SCAMP1: variants seen among roughly 807,000 people sequenced by gnomAD.
SCAMP1 encodes secretory carrier-associated membrane protein 1.
Under a neutral mutation model 41.8 loss-of-function variants are expected in SCAMP1, and 15 were observed. The ratio of observed to expected loss-of-function variants is 0.36; its 90% CI spans 0.24 to 0.55. The LOEUF is 0.55. Ranked by LOEUF, SCAMP1 falls within the 20% of genes least tolerant of loss-of-function variation. The pLI is 0.86. For synonymous variants in SCAMP1, 135 were observed against 136.8 expected, an observed-to-expected ratio of 0.99 and a Z score of 0.09; for missense variants, 341 against 412.6, an observed-to-expected ratio of 0.83 and a Z score of 1.50.
chr5:78,379,347 C>T (rs1204562157), intron 1 of SCAMP1, among the ~76,000 whole-genome samples: 2 of 152,220 alleles, frequency 1.3e-5, no homozygotes, highest in Non-Finnish European at 2.9e-5. Context: ...TTGTTGTCTT[C>T]TCCCAGGTTA....
At chr5:78,402,329 T>G (rs116446497) in intron 2 of SCAMP1, among the ~76,000 whole-genome samples, 2,978 of 152,270 alleles carry the variant, frequency 0.02, 51 homozygotes, top group South Asian at 0.056. Flanking sequence ...GTTAATTATA[T>G]CCAATCAACG....
chr5:78,372,188 T>A (rs1215324665), intron 1 of SCAMP1, among the ~76,000 whole-genome samples: 16 of 152,202 alleles, frequency 1.1e-4, no homozygotes, highest in Admixed American at 1.0e-3. Flanking sequence ...GGAAATCCTC[T>A]AATGGTGGTT....
intron 1 of SCAMP1, among the ~76,000 whole-genome samples, chr5:78,364,915 T>C (rs529723789): frequency 2.0e-5 from 3 of 146,834 alleles, no homozygotes; most frequent in Non-Finnish European, 4.5e-5. Flanking sequence ...GGATAGGAGA[T>C]ATACCTAATG....
chr5:78,456,370 G>A (rs1457105281), intron 7 of SCAMP1, among the ~76,000 whole-genome samples: 1 of 151,786 alleles, frequency 6.6e-6, no homozygotes, highest in Non-Finnish European at 1.5e-5. Flanking sequence ...ACTCTTTTAG[G>A]GCAGGCCTGG....
chr5:78,402,367 C>G (rs1486558439), intron 2 of SCAMP1, among the ~76,000 whole-genome samples: 1 of 152,060 alleles, frequency 6.6e-6, no homozygotes, highest in African/African-American at 2.4e-5. Flanking sequence ...CAGCTATGTT[C>G]TTAATGATTT....
intron 6 of SCAMP1, among the ~76,000 whole-genome samples, chr5:78,434,593 T>G (rs1276624466): frequency 6.6e-6 from 1 of 152,052 alleles, no homozygotes; most frequent in Non-Finnish European, 1.5e-5. Flanking sequence ...TAAAAGCACT[T>G]TAGTTTTTCT....
Position 78,427,575 on chromosome 5 carries a change from C to CT in SCAMP1, c.632+5624dup, listed in dbSNP as rs564532405. 9.9e-5 allele frequency among the ~76,000 whole-genome samples: 15 copies of CT among 151,670 alleles called. No individual in the cohort carries two copies. In the East Asian group the frequency reaches 1.5e-3, roughly 16 times the overall value. On this transcript the variant is annotated intron_variant, in intron 6 of 8. Coordinates refer to ENST00000621999, the MANE Select transcript of SCAMP1 (RefSeq NM_004866.6). ...TAGGAGTAGCCTTACTGGGATGAAA[C>CT]TTTTTTTTTAAAACGTGTCTAAATT...
intron 6 of SCAMP1, among the ~76,000 whole-genome samples, chr5:78,427,909 A>T (rs537629076): frequency 1.3e-5 from 2 of 152,278 alleles, no homozygotes; most frequent in East Asian, 1.9e-4. Flanking sequence ...GTTTATTTTT[A>T]AAATATATTT....
At chr5:78,437,321 T>C (rs376714784) in intron 6 of SCAMP1, among the ~76,000 whole-genome samples, 3 of 152,072 alleles carry the variant, frequency 2.0e-5, no homozygotes, top group East Asian at 1.9e-4. Context: ...CCAGTTTTTG[T>C]CCATTCAGTA....
intron 1 of SCAMP1, among the ~76,000 whole-genome samples, chr5:78,381,313 C>A (rs1234787036): frequency 6.6e-6 from 1 of 152,054 alleles, no homozygotes; most frequent in African/African-American, 2.4e-5. Flanking sequence ...GCTAGGCTGA[C>A]CCTGCTGGGA....
chr5:78,437,040 G>A lies in SCAMP1; in HGVS notation c.633-12893G>A, dbSNP rs554915210. ...GCTCTCTGTTTGTTATTGGTGTATA[G>A]GAATGCTTGTGATTTTTGCACATTG... On this transcript the variant is annotated intron_variant, in intron 6 of 8. Transcript: ENST00000621999. 3.3e-5 allele frequency among the ~76,000 whole-genome samples: 5 copies of A among 152,268 alleles called. No individual in the cohort carries two copies. The East Asian group carries it at 5.8e-4, about 18-fold the overall frequency.
chr5:78,456,874 T>G (rs759778593), intron 7 of SCAMP1, among the ~76,000 whole-genome samples: 1 of 107,656 alleles, frequency 9.3e-6, no homozygotes, highest in African/African-American at 4.1e-5. Context: ...CTTGGAGGCT[T>G]TGCTCATTTC....
At chr5:78,436,620 C>T (rs1038778127) in intron 6 of SCAMP1, among the ~76,000 whole-genome samples, 6 of 152,196 alleles carry the variant, frequency 3.9e-5, no homozygotes, top group Non-Finnish European at 5.9e-5. Context: ...TGTTTGGTTA[C>T]TGTAGCCTTG....
chr5:78,397,069 G>A (rs1227053383), intron 2 of SCAMP1, among the ~76,000 whole-genome samples: 1 of 152,032 alleles, frequency 6.6e-6, no homozygotes, highest in Non-Finnish European at 1.5e-5. Context: ...GGGCTGGAAA[G>A]GGAAAGGAGG....
intron 6 of SCAMP1, among the ~76,000 whole-genome samples, chr5:78,433,783 G>T (rs911009359): frequency 6.6e-6 from 1 of 152,074 alleles, no homozygotes; most frequent in Non-Finnish European, 1.5e-5. Context: ...GGAGTTAGGG[G>T]TGGAGGATAT....
chr5:78,411,630 A>T (rs1488352888), intron 2 of SCAMP1, among the ~76,000 whole-genome samples: 1 of 152,090 alleles, frequency 6.6e-6, no homozygotes, highest in Non-Finnish European at 1.5e-5. Context: ...AAATAGCTGT[A>T]TTGTATACTT....
At chr5:78,387,320 T>G (rs112419300) in intron 1 of SCAMP1, among the ~76,000 whole-genome samples, 27,915 of 151,246 alleles carry the variant, frequency 0.18, 3,196 homozygotes, top group Admixed American at 0.34. Context: ...TGTTTTTTAT[T>G]TATGCTATTT....
chr5:78,417,814 T>G (rs1194427771), intron 4 of SCAMP1, among the ~76,000 whole-genome samples: 3 of 152,130 alleles, frequency 2.0e-5, no homozygotes, highest in Admixed American at 1.3e-4. Flanking sequence ...AAATGAACTA[T>G]ATGAAATTTG....
In SCAMP1 at chr5:78,362,738, C is replaced by G. The variant is rs188461789; in HGVS notation, c.57+2010C>G. ...CCATTTATGTTCACCTGCCCCTCCTCCTCACAAAGTATAGTTTTATATCTA... is the reference window on the plus strand; with the variant it reads ...CCATTTATGTTCACCTGCCCCTCCTGCTCACAAAGTATAGTTTTATATCTA... On this transcript the variant is annotated intron_variant, in intron 1 of 8. Coordinates refer to ENST00000621999, the MANE Select transcript of SCAMP1 (RefSeq NM_004866.6). Among the ~76,000 whole-genome samples, 6 of 152,234 alleles carry G rather than the reference C, an allele frequency of 3.9e-5. No homozygotes were observed. The East Asian group carries it at 1.2e-3, about 29-fold the overall frequency.
Sources: gnomAD v4.1 joint callset for allele counts (sites outside exome capture counted in the v4.1 genomes callset) on GRCh38, gnomAD v4.1.1 for gene constraint, MANE v1.5 for transcripts, NCBI Gene and HGNC (gene_info 2026-07-23, HGNC 2026-07-21) for gene names.